Variants in ARHGAP24 observed in about 807,000 individuals in gnomAD.
ARHGAP24 encodes the protein rho GTPase-activating protein 24.
A neutral mutation model predicts 76.4 loss-of-function variants in ARHGAP24; 50 were observed. The ratio of observed to expected loss-of-function variants is 0.65; its 90% CI spans 0.52 to 0.83. ARHGAP24 has a LOEUF of 0.83. ARHGAP24 is among the 40% of genes least tolerant of loss of function. The probability of loss-of-function intolerance (pLI) is 0.00; values close to 1 mark genes in which losing one functional copy is unlikely to be tolerated. For synonymous variants in ARHGAP24, 345 were observed against 323.3 expected (o/e 1.07, Z -0.72); for missense variants, 930 against 914.2 (o/e 1.02, Z -0.22).
chr4:85,634,981 T>C (rs1041242244), intron 2 of ARHGAP24, among the ~76,000 whole-genome samples: 1 of 151,920 alleles, frequency 6.6e-6, no homozygotes, highest in African/African-American at 2.4e-5. Flanking sequence ...CATCTTCAGA[T>C]CAGGTGGAGA....
intron 1 of ARHGAP24, among the ~76,000 whole-genome samples, chr4:85,544,382 T>G (rs1016965526): frequency 6.6e-6 from 1 of 152,216 alleles, no homozygotes. Flanking sequence ...ATTCCTTTAT[T>G]CATTTCTTTA....
At chr4:85,599,016 C>CA (rs1271521406) in intron 2 of ARHGAP24, among the ~76,000 whole-genome samples, 1 of 151,942 alleles carries the variant, frequency 6.6e-6, no homozygotes, top group Admixed American at 6.6e-5. Flanking sequence ...GTACTGACTT[C>CA]AAAATCTATG....
chr4:85,965,721 C>T (rs1180753891), intron 5 of ARHGAP24, among the ~76,000 whole-genome samples: 1 of 152,124 alleles, frequency 6.6e-6, no homozygotes, highest in African/African-American at 2.4e-5. Context: ...ATGTATAAAA[C>T]CTAGTCAGCA....
At chr4:85,917,228 C>T (rs1181093214) in intron 3 of ARHGAP24, among the ~76,000 whole-genome samples, 1 of 152,080 alleles carries the variant, frequency 6.6e-6, no homozygotes, top group Non-Finnish European at 1.5e-5. Context: ...CATGTCCCTA[C>T]AAAGGACATG....
chr4:85,833,057 A>T (rs1362461440), intron 3 of ARHGAP24, among the ~76,000 whole-genome samples: 1 of 152,204 alleles, frequency 6.6e-6, no homozygotes, highest in African/African-American at 2.4e-5. Context: ...TTCCAAATTG[A>T]TGCCTGTGTT....
intron 4 of ARHGAP24, among the ~76,000 whole-genome samples, chr4:85,941,177 T>A (rs954465608): frequency 3.9e-5 from 6 of 152,172 alleles, no homozygotes; most frequent in Middle Eastern, 3.2e-3. Flanking sequence ...AAGTTGATAA[T>A]TTTTACCAAG....
chr4:85,541,824 G>T (rs1454664445), intron 1 of ARHGAP24, among the ~76,000 whole-genome samples: 2 of 151,984 alleles, frequency 1.3e-5, no homozygotes, highest in African/African-American at 2.4e-5. Context: ...AAACTTCACA[G>T]GTGGGTTGAC....
At chr4:85,755,629 TTG>T (rs1454860265) in intron 3 of ARHGAP24, among the ~76,000 whole-genome samples, 2 of 68,410 alleles carry the variant, frequency 2.9e-5, no homozygotes, top group African/African-American at 3.9e-5. Flanking sequence ...TTCTTTTGTT[TTG>T]TTTTGTTTTG....
chr4:85,567,550 G>A (rs985372979), intron 1 of ARHGAP24, among the ~76,000 whole-genome samples: 3 of 152,136 alleles, frequency 2.0e-5, no homozygotes, highest in Non-Finnish European at 2.9e-5. Flanking sequence ...AAGGGAGATC[G>A]TGTTCACTTT....
At chr4:85,538,137 C>T (rs552386654) in intron 1 of ARHGAP24, among the ~76,000 whole-genome samples, 4 of 152,000 alleles carry the variant, frequency 2.6e-5, no homozygotes, top group Non-Finnish European at 5.9e-5. Flanking sequence ...ACAGGTTTCT[C>T]CTTTCTAGGA....
At chr4:85,873,937 A>G (rs1262215369) in intron 3 of ARHGAP24, among the ~76,000 whole-genome samples, 1 of 152,194 alleles carries the variant, frequency 6.6e-6, no homozygotes, top group Non-Finnish European at 1.5e-5. Flanking sequence ...TTTTAATAAT[A>G]TATTTTTCAT....
At chr4:85,773,744 A>G (rs13108382) in intron 3 of ARHGAP24, among the ~76,000 whole-genome samples, 136,368 of 152,200 alleles carry the variant, frequency 0.9, 63,037 homozygotes, top group East Asian at 1. Context: ...GAAGAAGAAA[A>G]GAATTTTTAC....
Position 86,002,197 on chromosome 4 carries a change from T to C in ARHGAP24, c.*1475T>C, listed in dbSNP as rs574284847. Reference sequence around the variant, plus strand: ...GGGTTTGTGTTGTTTGAAGGTTCAATGCTTGCATGTGTTTATTTATTTTCA... The same window carrying C: ...GGGTTTGTGTTGTTTGAAGGTTCAACGCTTGCATGTGTTTATTTATTTTCA... On this transcript the variant is annotated 3_prime_UTR_variant, in exon 10 of 10. Transcript: ENST00000395184. The C allele has an allele frequency of 1.2e-4, 18 of 152,352 alleles. No homozygotes were observed. The highest frequency in any genetic ancestry group is 4.3e-4 in the African/African-American group (18 of 41,574). 9.4% of individuals were successfully genotyped at this position (152,352 alleles called of 1,614,324 possible). A position where few individuals can be genotyped will look rare whatever the true frequency, so the allele number is the denominator to read the frequency against.
In ARHGAP24 at chr4:85,874,922, A is replaced by C. The variant is rs374267606; in HGVS notation, c.269-48726A>C. On this transcript the variant is annotated intron_variant, in intron 3 of 9. Coordinates refer to ENST00000395184, the MANE Select transcript of ARHGAP24 (RefSeq NM_001025616.3). ...ATATAATTTATATATAAATATATTT[A>C]TATATAATTTATATATAATATATTT... 6.9e-5 allele frequency among the ~76,000 whole-genome samples: 2 copies of C among 29,170 alleles called. 1 individual carries two copies. The highest frequency in any genetic ancestry group is 1.3e-3 in the Admixed American group (2 of 1,540). 19.1% of individuals were successfully genotyped at this position (29,170 alleles called of 152,430 possible).
chr4:85,653,244 G>A (rs1290269584), intron 2 of ARHGAP24, among the ~76,000 whole-genome samples: 1 of 151,980 alleles, frequency 6.6e-6, no homozygotes, highest in African/African-American at 2.4e-5. Context: ...GTTCTAGCTG[G>A]CGAGGTTATT....
At chr4:85,564,401 G>A (rs1051099728) in intron 1 of ARHGAP24, among the ~76,000 whole-genome samples, 9 of 145,198 alleles carry the variant, frequency 6.2e-5, no homozygotes, top group South Asian at 2.1e-4. Context: ...TGTGGGGTGG[G>A]GGGAGCGGGG....
rs181058349 is a variant in ARHGAP24, at chr4:85,703,429, T to A, written c.181-18456T>A. Among the ~76,000 whole-genome samples, 37 of 152,240 alleles carry A rather than the reference T, an allele frequency of 2.4e-4. No homozygotes were observed. The Middle Eastern group carries it at 0.01, about 42-fold the overall frequency. The stretch of plus-strand genomic sequence containing the variant: ...GGGCAACCCTCTTCTATGTTCTGAA[T>A]GTTTGTAGTTAGTGTCCCCTACTTC... On this transcript the variant is annotated intron_variant, in intron 2 of 9. Coordinates refer to ENST00000395184, the MANE Select transcript of ARHGAP24 (RefSeq NM_001025616.3).
intron 1 of ARHGAP24, among the ~76,000 whole-genome samples, chr4:85,543,521 C>G (rs1725791165): frequency 6.6e-6 from 1 of 152,102 alleles, no homozygotes; most frequent in African/African-American, 2.4e-5. Flanking sequence ...TGATTGAATC[C>G]AGGTTATTTA....
intron 2 of ARHGAP24, among the ~76,000 whole-genome samples, chr4:85,664,291 A>T (rs1301961678): frequency 5.3e-5 from 8 of 150,730 alleles, no homozygotes; most frequent in Non-Finnish European, 1.2e-4. Flanking sequence ...TTTCTAGTTT[A>T]TTTGCGTAGA....
Sources: gnomAD v4.1 joint callset for allele counts (sites outside exome capture counted in the v4.1 genomes callset) on GRCh38, gnomAD v4.1.1 for gene constraint, MANE v1.5 for transcripts, NCBI Gene and HGNC (gene_info 2026-07-23, HGNC 2026-07-21) for gene names.